MEGF6: variants seen among roughly 807,000 people sequenced by gnomAD.
The protein encoded by MEGF6 is multiple epidermal growth factor-like domains protein 6.
Under a neutral mutation model 207.1 loss-of-function variants are expected in MEGF6, and 184 were observed. The observed-to-expected ratio is 0.89, with a 90% CI of 0.79 to 1.00. The LOEUF is 1.00. MEGF6 is among the 50% of genes least tolerant of loss of function. The probability of loss-of-function intolerance (pLI) is 0.00; values close to 1 mark genes in which losing one functional copy is unlikely to be tolerated. For missense variants in MEGF6, 2,282 were observed against 2,202.9 expected (o/e 1.04, Z -0.72); for synonymous variants, 1,038 against 910.0 (o/e 1.14, Z -2.53).
At chr1:3,579,291 G>A (rs1643733717) in intron 4 of MEGF6, among the ~76,000 whole-genome samples, 1 of 152,226 alleles carries the variant, frequency 6.6e-6, no homozygotes, top group Non-Finnish European at 1.5e-5. Flanking sequence ...CCAGTAGCTT[G>A]CTTTCAGCCC....
intron 2 of MEGF6, among the ~76,000 whole-genome samples, chr1:3,596,362 C>T (rs1018118678): frequency 3.9e-5 from 6 of 151,964 alleles, no homozygotes; most frequent in African/African-American, 1.5e-4. Context: ...GACATGACGT[C>T]CCCCTCCCCA....
At chr1:3,615,269 C>T (rs550839548), upstream of MEGF6, among the ~76,000 whole-genome samples, 6 of 151,076 alleles carry the variant, frequency 4.0e-5, no homozygotes, top group Non-Finnish European at 8.8e-5. Flanking sequence ...ACTTTCTGAC[C>T]CCCCAAGGAG....
intron 4 of MEGF6, 68 bp from the exon 5 acceptor site, chr1:3,524,314 C>G: frequency 6.4e-7 from 1 of 1,571,314 alleles, no homozygotes; most frequent in Non-Finnish European, 8.7e-7. Flanking sequence ...ACACAGCCCC[C>G]CAGGTGCCGG....
chr1:3,507,743 T>C, intron 14 of MEGF6, 52 bp downstream of exon 14: 1 of 1,611,604 alleles, frequency 6.2e-7, no homozygotes, highest in Non-Finnish European at 8.5e-7. Context: ...GTCTCCCACT[T>C]CCCTTACAGC....
chr1:3,519,187 C>G (rs567268798), intron 5 of MEGF6, among the ~76,000 whole-genome samples: 3 of 152,258 alleles, frequency 2.0e-5, no homozygotes, highest in South Asian at 4.1e-4. Context: ...GCCAGATCAT[C>G]CTGCCCAGCG....
chr1:3,593,999 GT>G (rs1246702476), intron 3 of MEGF6, among the ~76,000 whole-genome samples: 1 of 152,154 alleles, frequency 6.6e-6, no homozygotes, highest in Non-Finnish European at 1.5e-5. Context: ...TTCAGCCCCG[GT>G]TTGCAGCCTG....
chr1:3,538,885 G>A (rs1046716354), intron 4 of MEGF6, among the ~76,000 whole-genome samples: 1 of 152,202 alleles, frequency 6.6e-6, no homozygotes, highest in Admixed American at 6.5e-5. Flanking sequence ...CACGCCCCGG[G>A]GCCCAGACTC....
Position 3,511,588 on chromosome 1 carries a change from C to G in MEGF6, c.1076G>C (p.Arg359Pro). 1.2e-6 allele frequency: 2 copies of G among 1,612,046 alleles called. No individual in the cohort carries two copies. The highest frequency in any genetic ancestry group is 1.7e-6 in the Non-Finnish European group (2 of 1,179,280). Residue 359 changes from arginine to proline, a missense_variant, in exon 9 of 37, where the codon CGC becomes CCC. Physicochemically the swap from Arg to Pro is moderately radical, Grantham distance 103 (BLOSUM62 -2). Transcript: ENST00000356575. ...TSAGPLCTCP[R>P]GYELDTDQRT... ...CTGATCTGTGTCCAGCTCGTAGCCGCGGGGACATGTGCACAGGGGCCCAGC... is the reference window on the plus strand; with the variant it reads ...CTGATCTGTGTCCAGCTCGTAGCCGGGGGGACATGTGCACAGGGGCCCAGC...
intron 1 of MEGF6, among the ~76,000 whole-genome samples, chr1:3,609,546 C>T (rs72855441): frequency 0.015 from 2,323 of 152,322 alleles, 67 homozygotes; most frequent in African/African-American, 0.052. Flanking sequence ...GCGCAGCCAC[C>T]GCCACTTACT....
At chr1:3,515,297 A>T in intron 6 of MEGF6, 105 bp downstream of exon 6, 1 of 1,365,970 alleles carries the variant, frequency 7.3e-7, no homozygotes. Context: ...GCCTCTCAGC[A>T]GCCTTGGGGG....
Position 3,505,262 on chromosome 1 carries a change from C to T in MEGF6, c.2134G>A (p.Gly712Ser), listed in dbSNP as rs370241085. ...PVGVACDSVS[G>S]ECGKRCPAGF... ...GCAGGACACCGCTTCCCACACTCGCCGCTCACGGAGTCACAGGCCACGCCC... is the reference window on the plus strand; with the variant it reads ...GCAGGACACCGCTTCCCACACTCGCTGCTCACGGAGTCACAGGCCACGCCC... The change falls in exon 17 of 37, where the codon GGC becomes AGC. Residue 712 changes from glycine (G) to serine (S), a missense_variant. Physicochemically the swap from Gly to Ser is moderately conservative, Grantham distance 56 (BLOSUM62 0). Coordinates refer to ENST00000356575, the MANE Select transcript of MEGF6 (RefSeq NM_001409.4). 49 of 1,612,414 alleles carry T rather than the reference C, an allele frequency of 3.0e-5. No individual in the cohort carries two copies. Among genetic ancestry groups the T allele is most frequent in the South Asian group, 5.5e-5 (5 of 91,086 alleles).
intron 3 of MEGF6, among the ~76,000 whole-genome samples, chr1:3,593,183 T>G (rs1644006805): frequency 6.6e-6 from 1 of 152,014 alleles, no homozygotes; most frequent in Non-Finnish European, 1.5e-5. Context: ...GCACACTCAC[T>G]AGGCCCTGCT....
At chr1:3,500,274 G>A (rs970656180) in intron 21 of MEGF6, among the ~76,000 whole-genome samples, 4 of 152,200 alleles carry the variant, frequency 2.6e-5, no homozygotes, top group African/African-American at 9.6e-5. Context: ...CATCCCCCAG[G>A]TGCCAGGCCT....
chr1:3,601,282 G>A (rs549035427), intron 2 of MEGF6, among the ~76,000 whole-genome samples: 9 of 152,380 alleles, frequency 5.9e-5, no homozygotes, highest in Admixed American at 1.3e-4. Flanking sequence ...AGCTGTTGGC[G>A]GGAGACCTGG....
intron 5 of MEGF6, among the ~76,000 whole-genome samples, chr1:3,519,444 A>G (rs1641661720): frequency 1.3e-5 from 2 of 152,322 alleles, no homozygotes; most frequent in Admixed American, 1.3e-4. Context: ...ATGGGCACCC[A>G]ATGCCCGCAG....
chr1:3,618,209 G>A, the MEGF6 span, among the ~76,000 whole-genome samples: 8 of 152,206 alleles, frequency 5.3e-5, no homozygotes, highest in Admixed American at 1.3e-4. This position sits in a 1 kb window ranked among gnomAD's most constrained non-coding sequence, Gnocchi z 4.7. Flanking sequence ...CATTTCTCAA[G>A]GTCAGAGCGG....
At chr1:3,502,339 G>A (rs943078063) in intron 17 of MEGF6, among the ~76,000 whole-genome samples, 15 of 152,096 alleles carry the variant, frequency 9.9e-5, no homozygotes, top group Admixed American at 3.9e-4. Flanking sequence ...CTCTTCCTCC[G>A]CCACCGTAGT....
At chr1:3,539,674 G>C (rs545120465) in intron 4 of MEGF6, among the ~76,000 whole-genome samples, 1 of 152,306 alleles carries the variant, frequency 6.6e-6, no homozygotes, top group African/African-American at 2.4e-5. Context: ...GGGAGGACTG[G>C]AGAAAAGTGG....
At chr1:3,602,375 G>C (rs941931538) in intron 2 of MEGF6, 91 bp downstream of exon 2, 63 of 1,561,268 alleles carry the variant, frequency 4.0e-5, no homozygotes, top group Non-Finnish European at 5.4e-5. Flanking sequence ...ACCAGGACGG[G>C]GTCCTGGCCT....
Sources: gnomAD v4.1 joint callset for allele counts (sites outside exome capture counted in the v4.1 genomes callset) on GRCh38, gnomAD v4.1.1 for gene constraint, Gnocchi (gnomAD v3.1) non-coding constraint, MANE v1.5 for transcripts, NCBI Gene and HGNC (gene_info 2026-07-23, HGNC 2026-07-21) for gene names.